SEC14L2: variants seen among roughly 807,000 people sequenced by gnomAD.
SEC14L2 encodes SEC14 like lipid binding 2.
Under a neutral mutation model 56.9 loss-of-function variants are expected in SEC14L2, and 50 were observed. That is an observed-to-expected ratio of 0.88 (90% CI 0.70 to 1.11). The LOEUF (loss-of-function observed/expected upper bound fraction) is 1.11. SEC14L2 is among the 50% of genes most tolerant of loss of function. The pLI, the probability that SEC14L2 is intolerant of heterozygous loss-of-function variation, is 0.00. For synonymous variants in SEC14L2, 179 were observed against 188.5 expected (o/e 0.95, Z 0.41); for missense variants, 414 against 500.7 (o/e 0.83, Z 1.65).
At chr22:30,401,186 G>GATTTATTTATTTATTT (rs55835116) in intron 2 of SEC14L2, among the ~76,000 whole-genome samples, 10 of 146,326 alleles carry the variant, frequency 6.8e-5, no homozygotes, top group Admixed American at 1.4e-4. Flanking sequence ...GGTCTCAAGT[G>GATTTATTTATTTATTT]ATTTATTTAT....
rs761892843 is a variant in SEC14L2, at chr22:30,407,605, T to G, written c.423+2T>G. 3 of 1,610,774 alleles carry G rather than the reference T, an allele frequency of 1.9e-6. No individual in the cohort carries two copies. The Admixed American group carries it at 5.0e-5, about 27-fold the overall frequency. ...GAGTGTGCCCACCAGACCACAAAGG[T>G]GAGTGGACCACCATGGCTAGAAATG... On this transcript the variant is annotated splice_donor_variant, in intron 5 of 11. Coordinates refer to ENST00000615189, the MANE Select transcript of SEC14L2 (RefSeq NM_012429.5). LOFTEE classifies it high-confidence loss of function.
At chr22:30,417,007 A>T (rs1333987701) in intron 11 of SEC14L2, 4 of 292,804 alleles carry the variant, frequency 1.4e-5, no homozygotes, top group Non-Finnish European at 2.0e-5. Context: ...CTACAGAAAT[A>T]CACAAATACT....
chr22:30,398,241 G>A (rs1437757271), intron 1 of SEC14L2, among the ~76,000 whole-genome samples: 1 of 152,224 alleles, frequency 6.6e-6, no homozygotes, highest in Non-Finnish European at 1.5e-5. Context: ...GGATTAGGTG[G>A]TGATTAAACT....
At chr22:30,400,673 C>A (rs980834164) in intron 2 of SEC14L2, among the ~76,000 whole-genome samples, 1 of 151,980 alleles carries the variant, frequency 6.6e-6, no homozygotes, top group South Asian at 2.1e-4. Flanking sequence ...GCGGGCAGAT[C>A]ACTTGAGGCC....
At chr22:30,417,968 G>T (rs769485212) in intron 11 of SEC14L2, among the ~76,000 whole-genome samples, 2 of 152,066 alleles carry the variant, frequency 1.3e-5, no homozygotes, top group African/African-American at 2.4e-5. Context: ...GCCGGGTCCT[G>T]GGGGAGAAGG....
intron 5 of SEC14L2, among the ~76,000 whole-genome samples, chr22:30,408,686 C>G (rs1053151710): frequency 2.6e-5 from 4 of 152,204 alleles, no homozygotes; most frequent in South Asian, 2.1e-4. Context: ...TTGTAAAGAT[C>G]CAGTGAAATG....
intron 4 of SEC14L2, 107 bp from the exon 5 acceptor site, chr22:30,407,308 G>T: frequency 1.4e-6 from 2 of 1,456,386 alleles, no homozygotes; most frequent in Non-Finnish European, 1.9e-6. Context: ...TTGGTACCCA[G>T]GAGAGGGAGG....
intron 2 of SEC14L2, among the ~76,000 whole-genome samples, chr22:30,404,009 C>CAAAAAAA (rs67366822): frequency 7.5e-5 from 7 of 93,222 alleles, no homozygotes; most frequent in East Asian, 3.2e-4. Flanking sequence ...GACTCCGTCT[C>CAAAAAAA]AAAAAAAAAA....
chr22:30,408,105 C>CAA (rs60513716), intron 5 of SEC14L2, among the ~76,000 whole-genome samples: 6 of 89,462 alleles, frequency 6.7e-5, no homozygotes, highest in South Asian at 3.4e-4. Flanking sequence ...GACTCCATCT[C>CAA]AAAAAAAAAA....
intron 8 of SEC14L2, 79 bp from the exon 9 acceptor site, chr22:30,415,680 A>C: frequency 7.9e-7 from 1 of 1,262,068 alleles, no homozygotes; most frequent in Non-Finnish European, 1.1e-6. Flanking sequence ...CTGCCTCTTT[A>C]GTGTAGACCA....
intron 8 of SEC14L2, among the ~76,000 whole-genome samples, chr22:30,415,143 C>G (rs1194389128): frequency 6.6e-6 from 1 of 152,082 alleles, no homozygotes; most frequent in Non-Finnish European, 1.5e-5. Context: ...GTTTAAAAAG[C>G]CCTCTCGGCC....
At chr22:30,407,045 C>G (rs745695999) in intron 3 of SEC14L2, 50 bp from the exon 4 acceptor site, 3 of 1,587,398 alleles carry the variant, frequency 1.9e-6, no homozygotes, top group South Asian at 2.2e-5. Context: ...AACCACCATG[C>G]CTGGCTGTCC....
chr22:30,409,552 G>A (rs1281697533), intron 7 of SEC14L2, 66 bp downstream of exon 7: 1 of 1,441,938 alleles, frequency 6.9e-7, no homozygotes, highest in South Asian at 1.1e-5. Context: ...GACTGCGGCA[G>A]ATGGAGGGTC....
chr22:30,404,024 A>G (rs1310920562), intron 2 of SEC14L2, among the ~76,000 whole-genome samples: 47 of 133,980 alleles, frequency 3.5e-4, no homozygotes, highest in South Asian at 7.3e-4. Context: ...AAAAAAAAAA[A>G]AAAAAGAAAA....
chr22:30,424,914 A>G lies in SEC14L2; in HGVS notation c.*2507A>G. On this transcript the variant is annotated 3_prime_UTR_variant, in exon 12 of 12. Transcript: ENST00000615189. ...ATTCATTCGTTAATTAATTCATCCAACATCCTGTCCCCAAGAAGCTCAGTC... is the reference window on the plus strand; with the variant it reads ...ATTCATTCGTTAATTAATTCATCCAGCATCCTGTCCCCAAGAAGCTCAGTC... 2.3e-6 allele frequency: 1 copy of G among 438,190 alleles called. No individual in the cohort carries two copies. The highest frequency in any genetic ancestry group is 4.6e-6 in the Non-Finnish European group (1 of 216,172). The allele number at this position is 438,190 out of a possible 1,614,324, so 27.1% of individuals were successfully genotyped here.
At chr22:30,398,000 G>A in intron 1 of SEC14L2, 1 of 406,236 alleles carries the variant, frequency 2.5e-6, no homozygotes, top group Admixed American at 2.8e-5. Flanking sequence ...TCTTCTCTGG[G>A]CAAGAGCCGA....
chr22:30,417,858 C>T (rs1201833250), intron 11 of SEC14L2, among the ~76,000 whole-genome samples: 4 of 151,978 alleles, frequency 2.6e-5, no homozygotes, highest in African/African-American at 9.7e-5. Context: ...CCTCCTTCCT[C>T]ACATCCCAGG....
In SEC14L2 at chr22:30,421,194, T is replaced by G. The variant is rs36206382; in HGVS notation, c.1082-1083T>G. The G allele has an allele frequency of 6.2e-4, 92 of 149,014 alleles. No individual in the cohort carries two copies. In the Middle Eastern group the frequency reaches 0.01, roughly 17 times the overall value. The allele number at this position is 149,014 out of a possible 1,614,324, so 9.2% of individuals were successfully genotyped here. On this transcript the variant is annotated intron_variant, in intron 11 of 11. Transcript: ENST00000615189. ...ACACACACACACACACACACACACA[T>G]ATTCACAGGAATTGTCTGTCATTCA...
Position 30,415,970 on chromosome 22 carries a change from C to T in SEC14L2, c.794C>T (p.Pro265Leu), listed in dbSNP as rs761586016. 2 of 1,614,138 alleles carry T rather than the reference C, an allele frequency of 1.2e-6. No homozygotes were observed. The highest frequency in any genetic ancestry group is 1.7e-5 in the Admixed American group (1 of 60,012). The change falls in exon 10 of 12, where the codon CCC becomes CTC. Residue 265 changes from proline (P) to leucine (L), a missense_variant. Physicochemically the swap from Pro to Leu is moderately conservative, Grantham distance 98 (BLOSUM62 -3). Coordinates refer to ENST00000615189, the MANE Select transcript of SEC14L2 (RefSeq NM_012429.5). The stretch of plus-strand genomic sequence containing the variant: ...TAGATCAACTACGGGGGTGACATCC[C>T]CAGGAAGTATTATGTGCGAGACCAG... ...KSKINYGGDIPRKYYVRDQVK... is the reference protein window; with the variant it reads ...KSKINYGGDILRKYYVRDQVK...
Sources: gnomAD v4.1 joint callset for allele counts (sites outside exome capture counted in the v4.1 genomes callset) on GRCh38, gnomAD v4.1.1 for gene constraint, MANE v1.5 for transcripts, NCBI Gene and HGNC (gene_info 2026-07-23, HGNC 2026-07-21) for gene names.